The following FLT3LG variants were observed in gnomAD, a reference collection of about 807,000 sequenced individuals.
The protein encoded by FLT3LG is fms related receptor tyrosine kinase 3 ligand.
In FLT3LG, 8 loss-of-function variants were observed where a neutral mutation model predicts 30.9. That is an observed-to-expected ratio of 0.26 (90% CI 0.15 to 0.47). The LOEUF is 0.47. Among genes scored for constraint, FLT3LG ranks in the 20% least tolerant of loss-of-function variants. The probability of loss-of-function intolerance (pLI) is 0.99; values close to 1 mark genes in which losing one functional copy is unlikely to be tolerated. For missense variants in FLT3LG, 278 were observed against 306.2 expected, an observed-to-expected ratio of 0.91 and a Z score of 0.69; for synonymous variants, 123 against 135.9, an observed-to-expected ratio of 0.91 and a Z score of 0.66.
chr19:49,485,803 C>T (rs1016849032), intron 8 of FLT3LG, among the ~76,000 whole-genome samples: 2 of 152,190 alleles, frequency 1.3e-5, no homozygotes, highest in African/African-American at 4.8e-5. Context: ...TAGGCATGAG[C>T]CACCGCGCCC....
intron 8 of FLT3LG, 182 bp downstream of exon 8, chr19:49,480,802 C>T (rs564775086): frequency 4.1e-5 from 25 of 613,418 alleles, no homozygotes; most frequent in South Asian, 3.6e-4. Flanking sequence ...GAGGCCGAGG[C>T]GGGTGGATCA....
At chr19:49,478,865 T>TG (rs1162463838) in intron 5 of FLT3LG, 44 bp from the exon 6 acceptor site, 53 of 1,464,424 alleles carry the variant, frequency 3.6e-5, no homozygotes, top group Non-Finnish European at 3.2e-5. Context: ...GGAGGGGCGG[T>TG]GGGGGGATGA....
intron 6 of FLT3LG, chr19:49,479,689 G>A (rs1365211484): frequency 5.1e-6 from 1 of 195,828 alleles, no homozygotes; most frequent in South Asian, 5.0e-5. Flanking sequence ...TGTATTTTTA[G>A]TAGAGACGGT....
chr19:49,484,129 C>T (rs987850066), intron 8 of FLT3LG, among the ~76,000 whole-genome samples: 26 of 150,022 alleles, frequency 1.7e-4, no homozygotes, highest in Middle Eastern at 3.5e-3. Context: ...GTGATCTGCC[C>T]GCCTCAGCCT....
intron 8 of FLT3LG, chr19:49,480,925 A>G (rs2079584664): frequency 3.8e-6 from 1 of 259,878 alleles, no homozygotes. Flanking sequence ...CCAGCTACTC[A>G]GGAGGCTGAG....
rs1018918392 is a variant in FLT3LG, at chr19:49,479,066, C to T, written c.481+19C>T. 6 of 1,597,002 alleles carry T rather than the reference C, an allele frequency of 3.8e-6. No individual in the cohort carries two copies. Among genetic ancestry groups the T allele is most frequent in the Non-Finnish European group, 5.1e-6 (6 of 1,171,658 alleles). On this transcript the variant is annotated intron_variant, in intron 6 of 8. Transcript: ENST00000597551. Reference sequence around the variant, plus strand: ...CAGCCCGGTAAAGGCTTCCAGGCACCCCCACTCCTTCCCCTCCTGTCCTCA... The same window carrying T: ...CAGCCCGGTAAAGGCTTCCAGGCACTCCCACTCCTTCCCCTCCTGTCCTCA...
chr19:49,482,835 G>T (rs1337018677), intron 8 of FLT3LG, among the ~76,000 whole-genome samples: 2 of 151,722 alleles, frequency 1.3e-5, no homozygotes, highest in African/African-American at 2.4e-5. Context: ...CACCATGTTG[G>T]TCAGGCTGGT....
rs150588826 is a variant in FLT3LG, at chr19:49,480,727, T to G, written c.*21+107T>G. Reference sequence around the variant, plus strand: ...AGCAGTGGAGGGGCAGGGGCAGCTCTAGGTGCAGAAAGACCCCTCTGGGGC... The same window carrying G: ...AGCAGTGGAGGGGCAGGGGCAGCTCGAGGTGCAGAAAGACCCCTCTGGGGC... On this transcript the variant is annotated intron_variant, in intron 8 of 8. Transcript: ENST00000597551. 2,014 of 1,224,642 alleles carry G rather than the reference T, an allele frequency of 1.6e-3. 5 individuals are homozygous for G. The highest frequency in any genetic ancestry group is 3.2e-3 in the Admixed American group (142 of 44,812). 75.9% of individuals were successfully genotyped at this position (1,224,642 alleles called of 1,614,324 possible). A position where few individuals can be genotyped will look rare whatever the true frequency, so the allele number is the denominator to read the frequency against.
At chr19:49,479,103 C>G (rs1387496549) in intron 6 of FLT3LG, 56 bp downstream of exon 6, 7 of 1,517,640 alleles carry the variant, frequency 4.6e-6, no homozygotes, top group Non-Finnish European at 2.7e-6. Flanking sequence ...GGCCGCTCCT[C>G]CTCTCTGCAC....
chr19:49,475,888 G>A (rs751744255), intron 3 of FLT3LG, 87 bp downstream of exon 3: 62 of 1,269,288 alleles, frequency 4.9e-5, no homozygotes, highest in Non-Finnish European at 6.5e-5. Flanking sequence ...CTCTCCCTGT[G>A]TTTCCCAGGG....
At chr19:49,483,866 CAAAAAAAAAAAAA>C (rs34619675) in intron 8 of FLT3LG, among the ~76,000 whole-genome samples, 2 of 50,090 alleles carry the variant, frequency 4.0e-5, no homozygotes, top group Non-Finnish European at 1.0e-4. Flanking sequence ...GACTCTGTCT[CAAAAAAAAAAAAA>C]AAAAAAAAAA....
chr19:49,476,471 A>G lies in FLT3LG; in HGVS notation c.247A>G (p.Met83Val). The G allele has an allele frequency of 6.2e-7, 1 of 1,614,084 alleles. No homozygotes were observed. Among genetic ancestry groups the G allele is most frequent in the Non-Finnish European group, 8.5e-7 (1 of 1,180,016 alleles). Reference protein sequence around the residue: ...LWRLVLAQRWMERLKTVAGSK... With the variant: ...LWRLVLAQRWVERLKTVAGSK... ...GCGGCTGGTCCTGGCACAGCGCTGG[A>G]TGGAGCGGCTCAAGACTGTCGCTGG... Residue 83 changes from methionine to valine, a missense_variant, in exon 5 of 9, where the codon ATG becomes GTG. Transcript: ENST00000597551. This position sits in a 1 kb window ranked among gnomAD's most constrained non-coding sequence, Gnocchi z 5.3.
At chr19:49,475,363 AGAGG>A (rs1412550935) in intron 2 of FLT3LG, among the ~76,000 whole-genome samples, 1 of 151,254 alleles carries the variant, frequency 6.6e-6, no homozygotes, top group Non-Finnish European at 1.5e-5. Context: ...TGTAGAAGGC[AGAGG>A]GAGGGACAGA....
At chr19:49,479,592 C>A in intron 6 of FLT3LG, 1 of 162,990 alleles carries the variant, frequency 6.1e-6, no homozygotes, top group Non-Finnish European at 1.3e-5. Context: ...AGCTCTGCCT[C>A]CTGGGTTCAC....
intron 1 of FLT3LG, 142 bp from the exon 2 acceptor site, chr19:49,474,461 G>C: frequency 1.6e-6 from 1 of 639,294 alleles, no homozygotes; most frequent in Non-Finnish European, 2.8e-6. Context: ...CGTAACTGGG[G>C]CAGACGCAGG....
rs549231148 is a variant in FLT3LG at position 49,484,359 on chromosome 19, A to T, written c.*22-1656A>T. 3.9e-5 allele frequency among the ~76,000 whole-genome samples: 5 copies of T among 127,402 alleles called. No individual in the cohort carries two copies. In the South Asian group the frequency reaches 1.2e-3, roughly 30 times the overall value. 83.6% of individuals were successfully genotyped at this position (127,402 alleles called of 152,430 possible). On this transcript the variant is annotated intron_variant, in intron 8 of 8. Transcript: ENST00000597551. Reference sequence around the variant, plus strand: ...AGCCAGGCTGGAGTGCAGTGGTGCTATCTTGACTCACGGCAACCTCCACCT... The same window carrying T: ...AGCCAGGCTGGAGTGCAGTGGTGCTTTCTTGACTCACGGCAACCTCCACCT...
intron 8 of FLT3LG, among the ~76,000 whole-genome samples, chr19:49,485,011 C>T (rs1200039819): frequency 1.3e-5 from 2 of 151,828 alleles, no homozygotes; most frequent in African/African-American, 2.4e-5. Context: ...GGCTTGAACC[C>T]GGGAGGCAGA....
At chr19:49,478,250 A>G (rs767699021) in intron 5 of FLT3LG, among the ~76,000 whole-genome samples, 28 of 147,024 alleles carry the variant, frequency 1.9e-4, no homozygotes, top group South Asian at 4.3e-4. Context: ...GGCGGATCAC[A>G]AGGTCAGGAG....
chr19:49,483,156 CG>C (rs1193698960), intron 8 of FLT3LG, among the ~76,000 whole-genome samples: 1 of 151,720 alleles, frequency 6.6e-6, no homozygotes, highest in Non-Finnish European at 1.5e-5. Flanking sequence ...GATGGATTCT[CG>C]CTCTGTCACC....
Sources: gnomAD v4.1 joint callset for allele counts (sites outside exome capture counted in the v4.1 genomes callset) on GRCh38, gnomAD v4.1.1 for gene constraint, Gnocchi (gnomAD v3.1) non-coding constraint, MANE v1.5 for transcripts, NCBI Gene and HGNC (gene_info 2026-07-23, HGNC 2026-07-21) for gene names.